Variants in DNAJA1 observed in about 807,000 individuals in gnomAD.
DNAJA1 encodes dnaJ homolog subfamily A member 1.
DNAJA1 carries 26 observed loss-of-function variants against 47.6 expected under a neutral mutation model. The observed-to-expected ratio is 0.55, with a 90% CI of 0.40 to 0.76. The LOEUF is 0.76. Ranked by LOEUF, DNAJA1 falls within the 30% of genes least tolerant of loss-of-function variation. DNAJA1 has a pLI of 0.00. For synonymous variants in DNAJA1, 165 were observed against 158.4 expected, an observed-to-expected ratio of 1.04 and a Z score of -0.31; for missense variants, 315 against 485.0, an observed-to-expected ratio of 0.65 and a Z score of 3.29.
chr9:33,038,806 T>G lies in DNAJA1; in HGVS notation c.1097T>G (p.Phe366Cys). 1 of 1,614,090 alleles carries G rather than the reference T, an allele frequency of 6.2e-7. No homozygotes were observed. The highest frequency in any genetic ancestry group is 1.1e-5 in the South Asian group (1 of 91,078). ...DEMDQVELVD[F>C]DPNQERRRHY... ...ATGGACCAAGTAGAACTGGTGGACT[T>G]TGATCCAAATCAGGAAAGACGGCGC... Residue 366 changes from phenylalanine to cysteine, a missense_variant, in exon 9 of 9, where the codon TTT becomes TGT. Phe to Cys is a radical substitution (Grantham distance 205, BLOSUM62 -2). Around this residue, in one of 4 missense-constraint regions of DNAJA1, gnomAD observed 162 missense variants for 185.4 expected, o/e 0.87. Transcript: ENST00000330899.
chr9:33,038,910 A>T lies in DNAJA1; in HGVS notation c.*7A>T. 1 of 1,606,290 alleles carries T rather than the reference A, an allele frequency of 6.2e-7. No individual in the cohort carries two copies. Among genetic ancestry groups the T allele is most frequent in the Middle Eastern group, 1.7e-4 (1 of 6,054 alleles). ...TCAGTGTCAGACCTCTTAATGGGCC[A>T]GTGAATAACACTCACTGCTGGCATT... On this transcript the variant is annotated 3_prime_UTR_variant, in exon 9 of 9. Coordinates refer to ENST00000330899, the MANE Select transcript of DNAJA1 (RefSeq NM_001539.4).
chr9:33,036,819 TG>T, intron 7 of DNAJA1, 130 bp downstream of exon 7: 1 of 795,066 alleles, frequency 1.3e-6, no homozygotes, highest in Non-Finnish European at 2.0e-6. Flanking sequence ...TATCCTTCTC[TG>T]GGCTTAGATG....
chr9:33,033,767 T>G (rs1838996755), intron 5 of DNAJA1, among the ~76,000 whole-genome samples: 1 of 152,206 alleles, frequency 6.6e-6, no homozygotes, highest in Admixed American at 6.5e-5. Context: ...TTTACATTGC[T>G]GTTAGACTTT....
intron 3 of DNAJA1, among the ~76,000 whole-genome samples, chr9:33,029,645 C>T (rs923939241): frequency 2.6e-5 from 4 of 152,244 alleles, no homozygotes; most frequent in South Asian, 4.1e-4. Context: ...AAGATGGCCA[C>T]GTCTGTGCCC....
At chr9:33,032,048 G>T (rs1304508648) in intron 5 of DNAJA1, among the ~76,000 whole-genome samples, 1 of 152,110 alleles carries the variant, frequency 6.6e-6, no homozygotes, top group African/African-American at 2.4e-5. Context: ...TCAACATTAT[G>T]GTAATCTCTT....
chr9:33,025,753 G>C (rs1348365839), intron 1 of DNAJA1, among the ~76,000 whole-genome samples: 1 of 151,920 alleles, frequency 6.6e-6, no homozygotes, highest in Non-Finnish European at 1.5e-5. Context: ...AGGCAGGGGC[G>C]AGGGGCTGCG....
chr9:33,031,432 G>A (rs12000958), intron 5 of DNAJA1, among the ~76,000 whole-genome samples: 1 of 151,690 alleles, frequency 6.6e-6, no homozygotes, highest in Admixed American at 6.6e-5. Context: ...GCATGTTTTT[G>A]TTTGTTTGTT....
intron 6 of DNAJA1, among the ~76,000 whole-genome samples, chr9:33,035,642 G>GT (rs1209530024): frequency 6.6e-6 from 1 of 151,530 alleles, no homozygotes; most frequent in African/African-American, 2.4e-5. Flanking sequence ...GCTGATTTTT[G>GT]TATTTTTAGT....
intron 6 of DNAJA1, among the ~76,000 whole-genome samples, chr9:33,035,875 C>T (rs1473101400): frequency 6.6e-6 from 1 of 152,138 alleles, no homozygotes; most frequent in Non-Finnish European, 1.5e-5. Flanking sequence ...TCACAATATG[C>T]CAGGAAATAT....
At chr9:33,036,526 A>G (rs746547715) in intron 6 of DNAJA1, 48 bp from the exon 7 acceptor site, 6 of 1,304,282 alleles carry the variant, frequency 4.6e-6, no homozygotes, top group East Asian at 2.4e-5. Flanking sequence ...TGGTACATCT[A>G]CTGATTCGTG....
At chr9:33,026,637 A>G (rs1398624422) in intron 2 of DNAJA1, 21 bp downstream of exon 2, 1 of 1,594,518 alleles carries the variant, frequency 6.3e-7, no homozygotes, top group Admixed American at 1.9e-5. Flanking sequence ...TCTACTCTTA[A>G]ACGTATCTGA....
At chr9:33,036,921 G>C in intron 7 of DNAJA1, 94 bp from the exon 8 acceptor site, 1 of 1,160,592 alleles carries the variant, frequency 8.6e-7, no homozygotes, top group Non-Finnish European at 1.2e-6. Context: ...TTTTACTCCT[G>C]CCAATGAGCT....
At chr9:33,034,416 G>A (rs1243964369) in intron 6 of DNAJA1, 86 bp downstream of exon 6, 2 of 956,186 alleles carry the variant, frequency 2.1e-6, no homozygotes, top group Non-Finnish European at 3.2e-6. Context: ...TTTTTAAAGT[G>A]TTTTCCATTA....
At chr9:33,034,108 G>T in intron 5 of DNAJA1, 108 bp from the exon 6 acceptor site, 1 of 735,200 alleles carries the variant, frequency 1.4e-6, no homozygotes, top group Admixed American at 3.5e-5. Context: ...GGCTTTCTTA[G>T]TCATTTCTGT....
chr9:33,035,769 T>C (rs939238610), intron 6 of DNAJA1, among the ~76,000 whole-genome samples: 3 of 152,028 alleles, frequency 2.0e-5, no homozygotes, highest in Admixed American at 2.0e-4. Context: ...GCGCCCAGCC[T>C]AAAGATGTTT....
chr9:33,031,806 A>G (rs1259526472), intron 5 of DNAJA1, among the ~76,000 whole-genome samples: 1 of 152,136 alleles, frequency 6.6e-6, no homozygotes. Flanking sequence ...ATGCTCCGTT[A>G]ATTGATTTGA....
intron 3 of DNAJA1, 98 bp from the exon 4 acceptor site, chr9:33,029,787 A>G: frequency 2.2e-6 from 2 of 928,268 alleles, no homozygotes; most frequent in South Asian, 1.6e-5. Context: ...TGTGAGGCTC[A>G]TCTTTTATTA....
chr9:33,036,840 G>C, intron 7 of DNAJA1, 151 bp downstream of exon 7: 1 of 803,276 alleles, frequency 1.2e-6, no homozygotes, highest in Non-Finnish European at 2.0e-6. Context: ...GAAGTTATAA[G>C]GTCTTGGCTC....
chr9:33,029,037 TC>T (rs1406918059), intron 3 of DNAJA1, among the ~76,000 whole-genome samples: 1 of 152,360 alleles, frequency 6.6e-6, no homozygotes, highest in South Asian at 2.1e-4. Context: ...ACTTCATACT[TC>T]TAACCTCAGT....
Sources: allele counts gnomAD v4.1 joint callset (sites outside exome capture counted in the v4.1 genomes callset), GRCh38; gene constraint gnomAD v4.1.1; regional missense constraint gnomAD v4.1.1; transcripts MANE v1.5; gene names NCBI Gene and HGNC (gene_info 2026-07-23, HGNC 2026-07-21).